Variants in SLC39A14 observed in about 807,000 individuals in gnomAD.
The protein encoded by SLC39A14 is metal cation symporter ZIP14.
In SLC39A14, 19 loss-of-function variants were observed where a neutral mutation model predicts 45.5. That is an observed-to-expected ratio of 0.42 (90% CI 0.29 to 0.61). The LOEUF (loss-of-function observed/expected upper bound fraction) is 0.61. Ranked by LOEUF, SLC39A14 falls within the 20% of genes least tolerant of loss-of-function variation. The probability of loss-of-function intolerance (pLI) is 0.22; values close to 1 mark genes in which losing one functional copy is unlikely to be tolerated. For synonymous variants in SLC39A14, 264 were observed against 251.3 expected, an observed-to-expected ratio of 1.05 and a Z score of -0.48; for missense variants, 447 against 616.5, an observed-to-expected ratio of 0.73 and a Z score of 2.91.
At chr8:22,403,581 T>C (rs1421184810) in intron 1 of SLC39A14, among the ~76,000 whole-genome samples, 1 of 150,994 alleles carries the variant, frequency 6.6e-6, no homozygotes, top group Non-Finnish European at 1.5e-5. Flanking sequence ...GCCCGGCCGA[T>C]GTTTATTTTT....
Position 22,394,566 on chromosome 8 carries a change from G to A in SLC39A14, c.-15-10130G>A, listed in dbSNP as rs531913253. On this transcript the variant is annotated intron_variant, in intron 1 of 8. Transcript: ENST00000381237. ...GATCTCCTGACCTTGTGATCCGCCC[G>A]CCTCGGCCGCCCAAAGTGCTGGGAT... 1.7e-4 allele frequency among the ~76,000 whole-genome samples: 26 copies of A among 152,058 alleles called. No homozygotes were observed. The East Asian group carries it at 2.7e-3, about 16-fold the overall frequency.
downstream of SLC39A14, among the ~76,000 whole-genome samples, chr8:22,426,525 A>G (rs572923664): frequency 5.3e-5 from 8 of 152,258 alleles, no homozygotes; most frequent in South Asian, 1.7e-3. Context: ...CGGTTTACTT[A>G]TAGATTTGTG....
intron 4 of SLC39A14, 78 bp downstream of exon 4, chr8:22,412,284 A>G: frequency 7.0e-7 from 1 of 1,432,912 alleles, no homozygotes; most frequent in East Asian, 2.5e-5. Flanking sequence ...TAGAAGGCAT[A>G]GAGAGGGCAC....
intron 1 of SLC39A14, among the ~76,000 whole-genome samples, chr8:22,372,249 C>T (rs1326829480): frequency 1.3e-5 from 2 of 151,900 alleles, no homozygotes; most frequent in Non-Finnish European, 2.9e-5. Flanking sequence ...GCTCCGTATT[C>T]ACATAGTTGA....
At chr8:22,386,657 G>A (rs1193859792) in intron 1 of SLC39A14, among the ~76,000 whole-genome samples, 1 of 152,228 alleles carries the variant, frequency 6.6e-6, no homozygotes, top group Non-Finnish European at 1.5e-5. Flanking sequence ...TGGGGACTCT[G>A]ACAGAACAGA....
Position 22,421,759 on chromosome 8 carries a change from CT to C in SLC39A14, c.*2064del, listed in dbSNP as rs1284755791. ...CCTATCATTCCTTAAACATAATACC[CT>C]TTGTCTTGGAGTAGAATACTAAGTT... On this transcript the variant is annotated 3_prime_UTR_variant, in exon 9 of 9. Transcript: ENST00000381237. 1.0e-6 allele frequency: 1 copy of C among 983,822 alleles called. No individual in the cohort carries two copies. The highest frequency in any genetic ancestry group is 1.7e-5 in the African/African-American group (1 of 57,176). The allele number at this position is 983,822 out of a possible 1,614,324, so 60.9% of individuals were successfully genotyped here. A position where few individuals can be genotyped will look rare whatever the true frequency, so the allele number is the denominator to read the frequency against.
chr8:22,426,849 A>C (rs954499138), downstream of SLC39A14, among the ~76,000 whole-genome samples: 5 of 151,952 alleles, frequency 3.3e-5, no homozygotes. Context: ...ATGCACAGCT[A>C]ATTTTTGTGT....
intron 1 of SLC39A14, among the ~76,000 whole-genome samples, chr8:22,378,409 C>G (rs1364297674): frequency 6.6e-6 from 1 of 152,172 alleles, no homozygotes; most frequent in African/African-American, 2.4e-5. Flanking sequence ...AGGGCCTCTG[C>G]CAGGCTCAGA....
chr8:22,408,576 G>A (rs1298725510), intron 3 of SLC39A14, 80 bp downstream of exon 3: 3 of 1,333,778 alleles, frequency 2.2e-6, no homozygotes, highest in Non-Finnish European at 1.0e-6. Context: ...AGCTGCTGCT[G>A]CTCCTCACTG....
intron 8 of SLC39A14, among the ~76,000 whole-genome samples, chr8:22,428,998 C>G (rs1311983912): frequency 6.6e-6 from 1 of 151,932 alleles, no homozygotes; most frequent in African/African-American, 2.4e-5. Flanking sequence ...AATGGCCAGG[C>G]GTGGTGGCTC....
At position 22,417,640 on chromosome 8, in the gene SLC39A14, C is replaced by G. The variant is rs574286630; in HGVS notation, c.1148-11C>G. On this transcript the variant is annotated splice_polypyrimidine_tract_variant and intron_variant, in intron 7 of 8. Coordinates refer to ENST00000381237, the MANE Select transcript of SLC39A14 (RefSeq NM_001128431.4). The stretch of plus-strand genomic sequence containing the variant: ...TCCTCGTCCCTCCCCTTTTCATTCT[C>G]GCTGCTGTAGGAGACTTTGTCATCC... 23 of 1,609,116 alleles carry G rather than the reference C, an allele frequency of 1.4e-5. No individual in the cohort carries two copies. The highest frequency in any genetic ancestry group is 1.9e-5 in the Non-Finnish European group (22 of 1,177,276).
chr8:22,399,176 C>A (rs7816385), intron 1 of SLC39A14, among the ~76,000 whole-genome samples: 1 of 152,060 alleles, frequency 6.6e-6, no homozygotes, highest in Non-Finnish European at 1.5e-5. Flanking sequence ...AGGGGCCACA[C>A]ATGGAATGGA....
intron 1 of SLC39A14, among the ~76,000 whole-genome samples, chr8:22,375,258 T>TA (rs879515957): frequency 0.22 from 33,721 of 152,012 alleles, 4,716 homozygotes; most frequent in East Asian, 0.52. Context: ...GTTTGGTATT[T>TA]TTGTCGACTT....
At chr8:22,393,255 G>A (rs1834181461) in intron 1 of SLC39A14, 1 of 985,400 alleles carries the variant, frequency 1.0e-6, no homozygotes, top group Non-Finnish European at 1.2e-6. Context: ...GCAGTAGGTG[G>A]GAGGGCAAGA....
At chr8:22,426,102 G>C (rs982687513), downstream of SLC39A14, among the ~76,000 whole-genome samples, 1 of 152,068 alleles carries the variant, frequency 6.6e-6, no homozygotes, top group Admixed American at 6.6e-5. Flanking sequence ...ATATGGGTCA[G>C]GTTGGTCTCG....
chr8:22,422,595 G>A lies in SLC39A14; in HGVS notation c.*2897G>A. ...TTTAAATAACTCAGGTGTATGAGAAGAAATTAGAAAAGAAAATTAACTTAT... is the reference window on the plus strand; with the variant it reads ...TTTAAATAACTCAGGTGTATGAGAAAAAATTAGAAAAGAAAATTAACTTAT... On this transcript the variant is annotated 3_prime_UTR_variant, in exon 9 of 9. Coordinates refer to ENST00000381237, the MANE Select transcript of SLC39A14 (RefSeq NM_001128431.4). 3.0e-6 allele frequency: 3 copies of A among 984,076 alleles called. No homozygotes were observed. Among genetic ancestry groups the A allele is most frequent in the Non-Finnish European group, 3.6e-6 (3 of 828,418 alleles). 61.0% of individuals were successfully genotyped at this position (984,076 alleles called of 1,614,324 possible).
intron 1 of SLC39A14, among the ~76,000 whole-genome samples, chr8:22,404,243 A>G (rs144513322): frequency 0.057 from 8,597 of 151,970 alleles, 308 homozygotes; most frequent in East Asian, 0.098. Context: ...GGCCAACATG[A>G]TGAAACCCGA....
intron 1 of SLC39A14, among the ~76,000 whole-genome samples, chr8:22,388,379 A>G (rs893482877): frequency 6.6e-6 from 1 of 152,070 alleles, no homozygotes; most frequent in Non-Finnish European, 1.5e-5. Flanking sequence ...GGAGATAGAA[A>G]CGTGTAGGGA....
Position 22,392,454 on chromosome 8 carries a change from C to T in SLC39A14, c.-15-12242C>T, listed in dbSNP as rs1323785611. Among the ~76,000 whole-genome samples the T allele has an allele frequency of 3.9e-5, 6 of 152,028 alleles. No homozygotes were observed. The South Asian group carries it at 8.3e-4, about 21-fold the overall frequency. On this transcript the variant is annotated intron_variant, in intron 1 of 8. Transcript: ENST00000381237. ...TTCTTTCTATTTATTTATCTGATCC[C>T]GAATAACAAGCCGGGAAGTTCTGCT... is the stretch of plus-strand genomic sequence containing the variant.
Sources: gnomAD v4.1 joint callset for allele counts (sites outside exome capture counted in the v4.1 genomes callset) on GRCh38, gnomAD v4.1.1 for gene constraint, MANE v1.5 for transcripts, NCBI Gene and HGNC (gene_info 2026-07-23, HGNC 2026-07-21) for gene names.